The following MAP4K5 variants were observed in gnomAD, a reference collection of about 807,000 sequenced individuals.
The protein encoded by MAP4K5 is MAPK/ERK kinase kinase kinase 5.
Under a neutral mutation model 135.6 loss-of-function variants are expected in MAP4K5, and 82 were observed. The ratio of observed to expected loss-of-function variants is 0.60; its 90% CI spans 0.51 to 0.73. MAP4K5 has a LOEUF of 0.73. Among genes scored for constraint, MAP4K5 ranks in the 30% least tolerant of loss-of-function variants. The pLI, the probability that MAP4K5 is intolerant of heterozygous loss-of-function variation, is 0.00. For synonymous variants in MAP4K5, 347 were observed against 335.0 expected, an observed-to-expected ratio of 1.04 and a Z score of -0.39; for missense variants, 907 against 1,010.9, an observed-to-expected ratio of 0.90 and a Z score of 1.39.
chr14:50,485,060 A>G (rs1747426583), intron 5 of MAP4K5, among the ~76,000 whole-genome samples: 1 of 152,164 alleles, frequency 6.6e-6, no homozygotes, highest in South Asian at 2.1e-4. Context: ...CAGTAGAGCC[A>G]AAACAAAACT....
At chr14:50,532,288 C>T in intron 1 of MAP4K5, 130 bp from the exon 2 acceptor site, 1 of 427,498 alleles carries the variant, frequency 2.3e-6, no homozygotes, top group Non-Finnish European at 4.1e-6. Flanking sequence ...CCTGGAAGGG[C>T]CCCCGGCGCC....
Position 50,437,489 on chromosome 14 carries a change from G to C in MAP4K5, c.1869C>G (p.His623Gln), listed in dbSNP as rs1305143149. The change falls in exon 26 of 33, where the codon CAC (histidine) becomes CAG (glutamine). Residue 623 changes from histidine (H) to glutamine (Q), a missense_variant. Physicochemically the swap from His to Gln is conservative, Grantham distance 24. Coordinates refer to ENST00000682126, the MANE Select transcript of MAP4K5 (RefSeq NM_006575.6). ...CCATTTACTCACCTATGCAACATTT[G>C]TGGCAGCCTTTTGTATCAGGAATCT... ...TTKIPDTKGC[H>Q]KCCIVRNPYT... 6.2e-7 allele frequency: 1 copy of C among 1,601,552 alleles called. No individual in the cohort carries two copies. The highest frequency in any genetic ancestry group is 1.1e-5 in the South Asian group (1 of 88,310).
intron 6 of MAP4K5, 28 bp from the exon 7 acceptor site, chr14:50,476,334 ATGT>A: frequency 6.7e-6 from 8 of 1,192,596 alleles, no homozygotes; most frequent in Non-Finnish European, 7.9e-6. Flanking sequence ...AAAAAAAAGA[ATGT>A]ATCAGCAAAA....
chr14:50,476,104 T>A (rs752448575), intron 8 of MAP4K5, 24 bp downstream of exon 8: 5 of 1,380,072 alleles, frequency 3.6e-6, no homozygotes, highest in Non-Finnish European at 4.8e-6. Flanking sequence ...TTGGAAAAAA[T>A]TTTAGGAATT....
At chr14:50,500,085 A>C (rs1234104200) in intron 3 of MAP4K5, among the ~76,000 whole-genome samples, 2 of 152,210 alleles carry the variant, frequency 1.3e-5, no homozygotes, top group Non-Finnish European at 2.9e-5. Context: ...AGGCAACAGA[A>C]AGACATCTGT....
chr14:50,499,479 G>T (rs558333058), intron 3 of MAP4K5, among the ~76,000 whole-genome samples: 1 of 152,030 alleles, frequency 6.6e-6, no homozygotes, highest in Non-Finnish European at 1.5e-5. Context: ...ACAACATGGC[G>T]AAACTCTGTC....
At chr14:50,536,061 C>T (rs1228377584), upstream of MAP4K5, among the ~76,000 whole-genome samples, 3 of 152,262 alleles carry the variant, frequency 2.0e-5, no homozygotes, top group Non-Finnish European at 2.9e-5. Context: ...TTCGCAGCCA[C>T]ATGGAACTGT....
Position 50,440,038 on chromosome 14 carries a change from G to T in MAP4K5, c.1680C>A (p.Ile560=), listed in dbSNP as rs766463223. 6.4e-7 allele frequency: 1 copy of T among 1,550,850 alleles called. No homozygotes were observed. Among genetic ancestry groups the T allele is most frequent in the Admixed American group, 1.8e-5 (1 of 54,754 alleles). ...FPRKCTWLYV[I]NNTLMSLSEG... ...CTGATAATGACATTAAAGTATTATT[G>T]ATAACATACAGCCAAGTACACTTCC... The change falls in exon 23 of 33, where the codon ATC becomes ATA. Residue 560 remains isoleucine, a synonymous_variant. Coordinates refer to ENST00000682126, the MANE Select transcript of MAP4K5 (RefSeq NM_006575.6).
intron 31 of MAP4K5, 84 bp downstream of exon 31, chr14:50,425,823 T>C: frequency 1.1e-6 from 1 of 918,242 alleles, no homozygotes; most frequent in South Asian, 1.5e-5. Context: ...GTAATGTAGG[T>C]TCAGAGAGGA....
intron 5 of MAP4K5, among the ~76,000 whole-genome samples, chr14:50,484,397 T>C (rs553513311): frequency 6.6e-6 from 1 of 152,336 alleles, no homozygotes; most frequent in African/African-American, 2.4e-5. Flanking sequence ...ATTGATAAGT[T>C]TTTTTGTAAT....
chr14:50,440,466 A>G, intron 21 of MAP4K5, 25 bp from the exon 22 acceptor site: 1 of 1,195,260 alleles, frequency 8.4e-7, no homozygotes, highest in Non-Finnish European at 1.2e-6. Context: ...ATAAATCACC[A>G]GAATTTACCA....
intron 31 of MAP4K5, among the ~76,000 whole-genome samples, chr14:50,425,431 A>G (rs1220283686): frequency 6.6e-6 from 1 of 152,210 alleles, no homozygotes; most frequent in Non-Finnish European, 1.5e-5. Flanking sequence ...CACAGTAGGT[A>G]TTATTTAAAG....
At position 50,447,429 on chromosome 14, in the gene MAP4K5, C is replaced by T; in HGVS notation, c.1127G>A (p.Gly376Asp). The T allele has an allele frequency of 1.3e-6, 2 of 1,549,014 alleles. No homozygotes were observed. Among genetic ancestry groups the T allele is most frequent in the Non-Finnish European group, 8.7e-7 (1 of 1,144,828 alleles). Residue 376 changes from glycine (G) to aspartate (D), a missense_variant, in exon 16 of 33, where the codon GGT becomes GAT. Gly to Asp is a moderately conservative substitution (Grantham distance 94, BLOSUM62 -1). Coordinates refer to ENST00000682126, the MANE Select transcript of MAP4K5 (RefSeq NM_006575.6). ...AACAACTTACTTGCCAGTATTTGCA[C>T]CATCAACAAAAGGATTCCACTGTAA... ...FMLQWNPFVD[G>D]ANTGKSTSKR...
chr14:50,445,495 T>TTC (rs1437546362), intron 17 of MAP4K5, among the ~76,000 whole-genome samples: 3 of 152,210 alleles, frequency 2.0e-5, no homozygotes, highest in African/African-American at 7.2e-5. Flanking sequence ...ATAAGAATGA[T>TTC]AAATGATGAA....
At chr14:50,453,342 T>C (rs952132183) in intron 14 of MAP4K5, among the ~76,000 whole-genome samples, 1 of 150,836 alleles carries the variant, frequency 6.6e-6, no homozygotes, top group African/African-American at 2.4e-5. Context: ...ACTGAGAAAG[T>C]AGGAAATCTG....
chr14:50,443,118 A>T (rs1031390898), intron 20 of MAP4K5, among the ~76,000 whole-genome samples: 1 of 152,206 alleles, frequency 6.6e-6, no homozygotes, highest in African/African-American at 2.4e-5. Context: ...ACTGACAATT[A>T]TTAATGTGAA....
At chr14:50,476,428 A>C (rs145324239) in intron 6 of MAP4K5, 122 bp from the exon 7 acceptor site, 172 of 497,554 alleles carry the variant, frequency 3.5e-4, no homozygotes, top group African/African-American at 3.0e-3. Context: ...GGGAGAAAAA[A>C]ACCTAGATAA....
rs1566640048 is a variant in MAP4K5 at position 50,438,000 on chromosome 14, A to C, written c.1717T>G (p.Phe573Val). 5.1e-6 allele frequency: 8 copies of C among 1,582,688 alleles called. No individual in the cohort carries two copies. Among genetic ancestry groups the C allele is most frequent in the Non-Finnish European group, 6.9e-6 (8 of 1,152,316 alleles). The stretch of plus-strand genomic sequence containing the variant: ...ATAAGATTGTGAGAGTAGAGCTGAA[A>C]GGTTTTTCCTATAAAAGAAAAACAT... ...TLMSLSEGKTFQLYSHNLIAL... is the reference protein window; with the variant it reads ...TLMSLSEGKTVQLYSHNLIAL... The change falls in exon 25 of 33, where the codon TTT becomes GTT. Residue 573 changes from phenylalanine (F) to valine (V), a missense_variant. Phe to Val is a conservative substitution (Grantham distance 50). Coordinates refer to ENST00000682126, the MANE Select transcript of MAP4K5 (RefSeq NM_006575.6).
At chr14:50,543,218 A>C (rs1021000714) in intron 1 of MAP4K5, among the ~76,000 whole-genome samples, 3 of 152,234 alleles carry the variant, frequency 2.0e-5, no homozygotes, top group African/African-American at 7.2e-5. Flanking sequence ...CTTGCCAAGG[A>C]TAATTCAGTT....
Sources: allele counts gnomAD v4.1 joint callset (sites outside exome capture counted in the v4.1 genomes callset), GRCh38; gene constraint gnomAD v4.1.1; transcripts MANE v1.5; gene names NCBI Gene and HGNC (gene_info 2026-07-23, HGNC 2026-07-21).